Variants in MAP4 observed in about 807,000 individuals in gnomAD.
MAP4 encodes microtubule associated protein 4.
A neutral mutation model predicts 170.2 loss-of-function variants in MAP4; 76 were observed. That is an observed-to-expected ratio of 0.45 (90% CI 0.37 to 0.54). MAP4 has a LOEUF of 0.54. MAP4 is among the 20% of genes least tolerant of loss of function. MAP4 has a pLI of 0.00. For synonymous variants in MAP4, 909 were observed against 994.5 expected, an observed-to-expected ratio of 0.91 and a Z score of 1.62; for missense variants, 2,506 against 2,748.0, an observed-to-expected ratio of 0.91 and a Z score of 1.97.
chr3:48,014,817 C>G (rs2100106988), intron 1 of MAP4, among the ~76,000 whole-genome samples: 2 of 152,128 alleles, frequency 1.3e-5, no homozygotes, highest in Non-Finnish European at 2.9e-5. Context: ...AGTATAGAAT[C>G]CTATTTCTTA....
chr3:47,897,730 A>G (rs1197691598), intron 10 of MAP4, among the ~76,000 whole-genome samples: 1 of 151,836 alleles, frequency 6.6e-6, no homozygotes, highest in African/African-American at 2.4e-5. Flanking sequence ...CAAGGTCAGG[A>G]GTTCGAGACC....
chr3:47,873,594 T>C (rs537162954), intron 12 of MAP4, among the ~76,000 whole-genome samples: 2 of 152,294 alleles, frequency 1.3e-5, no homozygotes, highest in African/African-American at 4.8e-5. Flanking sequence ...AGGCCTTAAG[T>C]ATGGTGTGAA....
rs748315858 is a variant in MAP4, at chr3:47,875,773, G to A, written c.5669C>T (p.Ser1890Leu). The change falls in exon 12 of 21, where the codon TCA becomes TTA. Residue 1890 changes from serine (S) to leucine (L), a missense_variant. By Grantham distance (145) the Ser-to-Leu change is moderately radical (BLOSUM62 -2). Around this residue, in one of 3 missense-constraint regions of MAP4, gnomAD observed 11 missense variants for 30.4 expected, o/e 0.36. Transcript: ENST00000683076. ...GLNKKPMSLA[S>L]GLVPAAPPKR... ...GGGTGGGGCAGCTGGCACTAAGCCTGAAGCAAGGCTCATGGGTTTTTTATT... is the reference window on the plus strand; with the variant it reads ...GGGTGGGGCAGCTGGCACTAAGCCTAAAGCAAGGCTCATGGGTTTTTTATT... 6 of 1,614,146 alleles carry A rather than the reference G, an allele frequency of 3.7e-6. No individual in the cohort carries two copies. In the Admixed American group the frequency reaches 1.0e-4, roughly 27 times the overall value.
Position 47,916,193 on chromosome 3 carries a change from G to A in MAP4, c.1634C>T (p.Thr545Ile). ...CLPPEMEVALTEDQVPALKTE... is the reference protein window; with the variant it reads ...CLPPEMEVALIEDQVPALKTE... Reference sequence around the variant, plus strand: ...TTTGAGGGCTGGGACCTGATCCTCAGTCAGGGCCACCTCCATTTCTGGAGG... The same window carrying A: ...TTTGAGGGCTGGGACCTGATCCTCAATCAGGGCCACCTCCATTTCTGGAGG... Residue 545 changes from threonine (T) to isoleucine (I), a missense_variant, in exon 7 of 21, where the codon ACT becomes ATT. By Grantham distance (89) the Thr-to-Ile change is moderately conservative. Transcript: ENST00000683076. 6.2e-7 allele frequency: 1 copy of A among 1,614,210 alleles called. No individual in the cohort carries two copies. The highest frequency in any genetic ancestry group is 8.5e-7 in the Non-Finnish European group (1 of 1,180,022).
chr3:47,881,705 C>T (rs938906600), intron 10 of MAP4, among the ~76,000 whole-genome samples: 1 of 151,148 alleles, frequency 6.6e-6, no homozygotes, highest in African/African-American at 2.4e-5. Flanking sequence ...CTCCTCGGTT[C>T]AAGTGATCCT....
intron 3 of MAP4, among the ~76,000 whole-genome samples, chr3:47,962,348 T>G (rs2100072085): frequency 6.6e-6 from 1 of 152,180 alleles, no homozygotes; most frequent in African/African-American, 2.4e-5. Flanking sequence ...TCTGGGGGCT[T>G]GTTTGCCCCA....
intron 1 of MAP4, among the ~76,000 whole-genome samples, chr3:48,060,867 G>T (rs190296080): frequency 1.4e-4 from 21 of 152,044 alleles, no homozygotes; most frequent in Non-Finnish European, 2.5e-4. Context: ...TTATTTTTGA[G>T]ACGGAGTCTC....
intron 3 of MAP4, among the ~76,000 whole-genome samples, chr3:47,958,950 G>A (rs923373354): frequency 1.1e-4 from 16 of 151,986 alleles, no homozygotes; most frequent in African/African-American, 2.9e-4. Context: ...CCAAAGTGCT[G>A]AAATTACAGG....
intron 1 of MAP4, among the ~76,000 whole-genome samples, chr3:48,031,662 T>C (rs561561129): frequency 6.6e-6 from 1 of 151,766 alleles, no homozygotes; most frequent in East Asian, 1.9e-4. Flanking sequence ...GAGGCCAGGG[T>C]TGCGGTAAGC....
chr3:48,056,853 A>G (rs1579643659), intron 1 of MAP4, among the ~76,000 whole-genome samples: 2 of 75,674 alleles, frequency 2.6e-5, no homozygotes, highest in African/African-American at 1.2e-4. Context: ...GGGGGGGGTC[A>G]GCCCCCCTGC....
Position 47,911,168 on chromosome 3 carries a change from G to T in MAP4, c.3253C>A (p.Pro1085Thr), listed in dbSNP as rs1400825824. ...SGKVKAKSEL[P>T]FLLDSQKDGR... ...TCCTTCTGGCTGTCCAGAAGAAATG[G>T]CAGCTCAGATTTTGCTTTTACCTTC... Residue 1085 changes from proline (P) to threonine (T), a missense_variant, in exon 9 of 21, where the codon CCA becomes ACA. By Grantham distance (38) the Pro-to-Thr change is conservative. This residue lies in a region of MAP4 where 2,008 missense variants were observed against 2,206.0 expected (regional missense o/e 0.91). Transcript: ENST00000683076. The surrounding 1 kb of genome is among the most constrained non-coding windows in gnomAD (Gnocchi z 4.0). 1 of 1,536,094 alleles carries T rather than the reference G, an allele frequency of 6.5e-7. No homozygotes were observed.
chr3:48,085,651 A>C (rs1222858598), intron 1 of MAP4, among the ~76,000 whole-genome samples: 5 of 152,056 alleles, frequency 3.3e-5, no homozygotes, highest in Non-Finnish European at 5.9e-5. Context: ...GCCAGGCGTG[A>C]TGGCTCATGC....
intron 2 of MAP4, among the ~76,000 whole-genome samples, chr3:47,986,589 C>T (rs1234365244): frequency 6.6e-6 from 1 of 152,128 alleles, no homozygotes; most frequent in Non-Finnish European, 1.5e-5. Context: ...GATCCATCTG[C>T]CTCGGCCTCC....
At chr3:47,903,260 G>A (rs1224385083) in intron 9 of MAP4, among the ~76,000 whole-genome samples, 1 of 152,172 alleles carries the variant, frequency 6.6e-6, no homozygotes, top group African/African-American at 2.4e-5. Flanking sequence ...CTGGCCAGGT[G>A]CGGTGGCTCA....
In MAP4 at chr3:47,974,986, T is replaced by C. The variant is rs935071244; in HGVS notation, c.292+2879A>G. 5 of 987,232 alleles carry C rather than the reference T, an allele frequency of 5.1e-6. No homozygotes were observed. The African/African-American group carries it at 8.7e-5, about 17-fold the overall frequency. The allele number at this position is 987,232 out of a possible 1,614,324, so 61.2% of individuals were successfully genotyped here. A position where few individuals can be genotyped will look rare whatever the true frequency, so the allele number is the denominator to read the frequency against. ...GGAGGGAGAAGAAAAGGAAATTCGC[T>C]GCAGTACTGGTGGCCTCAACCCCTT... On this transcript the variant is annotated intron_variant, in intron 3 of 20. Coordinates refer to ENST00000683076, the MANE Select transcript of MAP4 (RefSeq NM_001385682.1).
At chr3:48,082,514 A>G (rs2100147107) in intron 1 of MAP4, among the ~76,000 whole-genome samples, 1 of 152,216 alleles carries the variant, frequency 6.6e-6, no homozygotes, top group Admixed American at 6.6e-5. Context: ...TCAAGTTATC[A>G]AAGTTAACAA....
intron 3 of MAP4, among the ~76,000 whole-genome samples, chr3:47,952,143 C>T (rs1183692873): frequency 3.3e-5 from 5 of 149,422 alleles, no homozygotes; most frequent in African/African-American, 1.2e-4. Flanking sequence ...GTGAGGAGCC[C>T]CTCCGCCCGG....
chr3:48,004,119 T>C (rs1271811526), intron 1 of MAP4, among the ~76,000 whole-genome samples: 4 of 152,108 alleles, frequency 2.6e-5, no homozygotes, highest in Admixed American at 1.3e-4. Context: ...CTAAGAAAAC[T>C]CTGACCCCAG....
chr3:48,046,457 A>C (rs1400806658), intron 1 of MAP4, among the ~76,000 whole-genome samples: 1 of 152,244 alleles, frequency 6.6e-6, no homozygotes, highest in Non-Finnish European at 1.5e-5. Context: ...AACCACATAA[A>C]GCAACAACTC....
Sources: allele counts gnomAD v4.1 joint callset (sites outside exome capture counted in the v4.1 genomes callset), GRCh38; gene constraint gnomAD v4.1.1; regional missense constraint gnomAD v4.1.1; non-coding constraint Gnocchi (gnomAD v3.1); transcripts MANE v1.5; gene names NCBI Gene and HGNC (gene_info 2026-07-23, HGNC 2026-07-21).